Variants in NRF1 observed in about 807,000 individuals in gnomAD.
NRF1 encodes the protein nuclear respiratory factor 1.
Under a neutral mutation model 58.5 loss-of-function variants are expected in NRF1, and 5 were observed. That is an observed-to-expected ratio of 0.09 (90% CI 0.04 to 0.18). The LOEUF is 0.18. Among genes scored for constraint, NRF1 ranks in the 10% least tolerant of loss-of-function variants. NRF1 has a pLI of 1.00. For synonymous variants in NRF1, 224 were observed against 246.7 expected (o/e 0.91, Z 0.86); for missense variants, 288 against 657.7 (o/e 0.44, Z 6.15).
At chr7:129,733,759 C>A (rs1039355617) in intron 10 of NRF1, among the ~76,000 whole-genome samples, 6 of 152,084 alleles carry the variant, frequency 3.9e-5, no homozygotes, top group African/African-American at 1.4e-4. Context: ...CAAAGTAGTT[C>A]ATGCCTATAA....
At chr7:129,635,496 G>T (rs1307860005) in intron 1 of NRF1, among the ~76,000 whole-genome samples, 3 of 152,018 alleles carry the variant, frequency 2.0e-5, no homozygotes, top group Non-Finnish European at 4.4e-5. Context: ...ATGTGCATTT[G>T]TACATACCCC....
At chr7:129,748,087 A>G (rs900821722) in intron 10 of NRF1, among the ~76,000 whole-genome samples, 4 of 151,820 alleles carry the variant, frequency 2.6e-5, no homozygotes, top group African/African-American at 9.7e-5. Context: ...CAGCCTGACT[A>G]ACATGGTGAA....
intron 10 of NRF1, among the ~76,000 whole-genome samples, chr7:129,740,455 C>A (rs1240631882): frequency 6.6e-6 from 1 of 152,226 alleles, no homozygotes; most frequent in African/African-American, 2.4e-5. Flanking sequence ...GGTAGTGAAT[C>A]TCCCACAAGG....
At chr7:129,746,398 T>C (rs1453608628) in intron 10 of NRF1, among the ~76,000 whole-genome samples, 1 of 152,220 alleles carries the variant, frequency 6.6e-6, no homozygotes, top group African/African-American at 2.4e-5. Context: ...TCAGCCTGTC[T>C]AACTGCTGTC....
At chr7:129,625,140 A>G (rs927885806) in intron 1 of NRF1, among the ~76,000 whole-genome samples, 1 of 152,016 alleles carries the variant, frequency 6.6e-6, no homozygotes, top group East Asian at 1.9e-4. Flanking sequence ...GCATTCCTTG[A>G]CTTGTGGCTA....
At chr7:129,710,266 G>A in intron 6 of NRF1, 108 bp from the exon 7 acceptor site, 2 of 937,894 alleles carry the variant, frequency 2.1e-6, no homozygotes, top group Non-Finnish European at 3.4e-6. Flanking sequence ...CTAATAAGAG[G>A]TTTGGTTTGG....
At chr7:129,677,513 A>G in intron 3 of NRF1, 119 bp from the exon 4 acceptor site, 2 of 887,542 alleles carry the variant, frequency 2.3e-6, no homozygotes, top group Non-Finnish European at 3.4e-6. Flanking sequence ...TCCCCTTTTC[A>G]CATTTTACGT....
intron 9 of NRF1, among the ~76,000 whole-genome samples, chr7:129,725,524 T>C (rs1022446878): frequency 6.6e-6 from 1 of 152,044 alleles, no homozygotes; most frequent in African/African-American, 2.4e-5. Flanking sequence ...ACGGGGTTTC[T>C]CCATGTTGGT....
intron 9 of NRF1, among the ~76,000 whole-genome samples, chr7:129,725,874 C>T (rs562367884): frequency 2.6e-5 from 4 of 152,320 alleles, no homozygotes; most frequent in Admixed American, 6.5e-5. Flanking sequence ...TTTCCTGCTT[C>T]CTAAAATCCT....
chr7:129,649,992 A>G (rs1017592186), intron 1 of NRF1, among the ~76,000 whole-genome samples: 20 of 152,114 alleles, frequency 1.3e-4, no homozygotes, highest in African/African-American at 4.1e-4. Context: ...GACATAAGCA[A>G]TCCTCCCACC....
chr7:129,706,110 C>CT (rs1802944845), intron 5 of NRF1, among the ~76,000 whole-genome samples: 2 of 152,258 alleles, frequency 1.3e-5, no homozygotes, highest in South Asian at 4.1e-4. Context: ...CTTAGCAGCT[C>CT]TTAAGACAGT....
At chr7:129,700,270 T>G (rs188675453) in intron 5 of NRF1, among the ~76,000 whole-genome samples, 3 of 152,324 alleles carry the variant, frequency 2.0e-5, no homozygotes, top group Admixed American at 1.3e-4. Context: ...TTTACAAAAT[T>G]TTTTTGAAAA....
chr7:129,612,488 G>A (rs1439031242), intron 1 of NRF1, among the ~76,000 whole-genome samples: 1 of 152,198 alleles, frequency 6.6e-6, no homozygotes, highest in African/African-American at 2.4e-5. Flanking sequence ...CAAGTTAGGA[G>A]GTGGCCGGGG....
At chr7:129,629,718 TAATAA>T (rs1584587999) in intron 1 of NRF1, among the ~76,000 whole-genome samples, 1 of 152,226 alleles carries the variant, frequency 6.6e-6, no homozygotes, top group Non-Finnish European at 1.5e-5. Flanking sequence ...GGAGAAGAGT[TAATAA>T]AATTAATAAT....
intron 1 of NRF1, among the ~76,000 whole-genome samples, chr7:129,651,337 T>C (rs1159172084): frequency 6.6e-6 from 1 of 151,538 alleles, no homozygotes; most frequent in East Asian, 1.9e-4. Flanking sequence ...CGAGAATTGC[T>C]TGAACCCAGG....
In NRF1 at chr7:129,735,285, A is replaced by C. The variant is rs555007763; in HGVS notation, c.1348+7920A>C. The C allele has an allele frequency of 1.2e-4, 112 of 965,170 alleles. No homozygotes were observed. In the South Asian group the frequency reaches 4.7e-3, roughly 41 times the overall value. The allele number at this position is 965,170 out of a possible 1,614,324, so 59.8% of individuals were successfully genotyped here. ...GGTGGCTCACGCCTGTAATCCCAGC[A>C]CTTTGGGATGCCGACGCGGGCGGAT... On this transcript the variant is annotated intron_variant, in intron 10 of 10. Coordinates refer to ENST00000393232, the MANE Select transcript of NRF1 (RefSeq NM_005011.5).
intron 10 of NRF1, among the ~76,000 whole-genome samples, chr7:129,730,741 C>T (rs1214560460): frequency 5.3e-5 from 8 of 151,916 alleles, no homozygotes; most frequent in African/African-American, 1.2e-4. Flanking sequence ...TTTGGGAGGC[C>T]GAGGTAGGAG....
chr7:129,719,127 A>T (rs560328663), intron 9 of NRF1, among the ~76,000 whole-genome samples: 1 of 151,990 alleles, frequency 6.6e-6, no homozygotes, highest in South Asian at 2.1e-4. Flanking sequence ...AATGGAGGTA[A>T]AGTGATTCTT....
At chr7:129,685,408 A>T (rs998793080) in intron 4 of NRF1, among the ~76,000 whole-genome samples, 12 of 152,158 alleles carry the variant, frequency 7.9e-5, no homozygotes, top group African/African-American at 2.9e-4. Context: ...GAACAAAACA[A>T]AATAAAACTC....
Sources: allele counts gnomAD v4.1 joint callset (sites outside exome capture counted in the v4.1 genomes callset), GRCh38; gene constraint gnomAD v4.1.1; transcripts MANE v1.5; gene names NCBI Gene and HGNC (gene_info 2026-07-23, HGNC 2026-07-21).